Variants in FALEC observed in about 807,000 individuals in gnomAD.
FALEC encodes focally amplified lncRNA on chromosome 1.
chr1:150,520,780 TTTC>T (rs1670630549), downstream of FALEC, among the ~76,000 whole-genome samples: 3 of 141,244 alleles, frequency 2.1e-5, no homozygotes, highest in African/African-American at 8.1e-5. Context: ...TTTCTTTTCT[TTTC>T]TTTTTTTTTT....
intron 1 of FALEC, among the ~76,000 whole-genome samples, chr1:150,517,342 A>C (rs1670581038): frequency 6.8e-6 from 1 of 146,354 alleles, no homozygotes; most frequent in Non-Finnish European, 1.5e-5. Context: ...GAGGGAGGGG[A>C]CTTTTTTTAA....
downstream of FALEC, among the ~76,000 whole-genome samples, chr1:150,519,793 G>T (rs918076781): frequency 6.6e-6 from 1 of 152,080 alleles, no homozygotes; most frequent in Non-Finnish European, 1.5e-5. Flanking sequence ...TTGAACCTGG[G>T]AGGCAGAAGT....
chr1:150,516,897 T>G (rs1670576568), intron 1 of FALEC, among the ~76,000 whole-genome samples: 1 of 152,204 alleles, frequency 6.6e-6, no homozygotes, highest in South Asian at 2.1e-4. Context: ...CTGTGGAGAC[T>G]TGAACATCTA....
the FALEC span, among the ~76,000 whole-genome samples, chr1:150,528,034 T>C: frequency 2.6e-5 from 4 of 152,006 alleles, no homozygotes; most frequent in Non-Finnish European, 5.9e-5. Context: ...GAAATCATGA[T>C]TGGTCTAAGT....
At chr1:150,522,832 ACTCT>A (rs71732573), downstream of FALEC, among the ~76,000 whole-genome samples, 3,642 of 59,472 alleles carry the variant, frequency 0.061, 274 homozygotes, top group African/African-American at 0.12. Flanking sequence ...GGATTAATGA[ACTCT>A]CTCTCTCTCT....
chr1:150,520,783 CTTTTTTT>C (rs71086518), downstream of FALEC, among the ~76,000 whole-genome samples: 78 of 42,822 alleles, frequency 1.8e-3, no homozygotes, highest in South Asian at 6.5e-3. Flanking sequence ...CTTTTCTTTT[CTTTTTTT>C]TTTTTTTTTT....
chr1:150,527,743 G>C, the FALEC span, among the ~76,000 whole-genome samples: 2 of 151,974 alleles, frequency 1.3e-5, no homozygotes, highest in Admixed American at 1.3e-4. Context: ...CCAGCTACTC[G>C]GGAGGCTGAG....
chr1:150,523,767 C>T, the FALEC span, among the ~76,000 whole-genome samples: 1 of 152,048 alleles, frequency 6.6e-6, no homozygotes, highest in Non-Finnish European at 1.5e-5. Context: ...GTCCTACTCC[C>T]TGGAAACCGT....
chr1:150,534,820 A>T, the FALEC span, among the ~76,000 whole-genome samples: 13 of 148,138 alleles, frequency 8.8e-5, no homozygotes, highest in Non-Finnish European at 1.3e-4. Context: ...CCAGCCTGGC[A>T]ACAGAGCAAG....
chr1:150,531,968 G>A, the FALEC span, among the ~76,000 whole-genome samples: 1 of 152,214 alleles, frequency 6.6e-6, no homozygotes, highest in African/African-American at 2.4e-5. Context: ...GCAGTGGCAC[G>A]ATCTTGGCTC....
chr1:150,519,304 A>AATT (rs1226640731), downstream of FALEC, among the ~76,000 whole-genome samples: 2 of 152,120 alleles, frequency 1.3e-5, no homozygotes, highest in African/African-American at 2.4e-5. Context: ...TGAACCCTAA[A>AATT]AGCAGTCATT....
chr1:150,529,600 A>AT, the FALEC span, among the ~76,000 whole-genome samples: 2,858 of 142,464 alleles, frequency 0.02, 60 homozygotes, highest in African/African-American at 0.053. Context: ...GGGATCTGTG[A>AT]TTTTTTTTTT....
the FALEC span, among the ~76,000 whole-genome samples, chr1:150,523,491 C>T: frequency 4.0e-5 from 6 of 150,970 alleles, no homozygotes; most frequent in Non-Finnish European, 7.4e-5. Context: ...CCTGTCTCTA[C>T]TAAAAATACA....
chr1:150,523,796 C>T, the FALEC span, among the ~76,000 whole-genome samples: 1 of 151,984 alleles, frequency 6.6e-6, no homozygotes, highest in Non-Finnish European at 1.5e-5. Context: ...TTTTACAAGG[C>T]AGAAGGAACT....
At chr1:150,516,046 C>G (rs1371106485) in exon 1 of FALEC, 1 of 151,978 alleles carries the variant, frequency 6.6e-6, no homozygotes, top group Non-Finnish European at 1.5e-5. Context: ...GAGTTCAAGA[C>G]CAGCCTGGCC....
intron 1 of FALEC, among the ~76,000 whole-genome samples, chr1:150,517,127 G>A (rs956387019): frequency 6.6e-6 from 1 of 151,992 alleles, no homozygotes; most frequent in Non-Finnish European, 1.5e-5. Context: ...GGTGAAAGCC[G>A]TCCCTACTAA....
At chr1:150,533,919 G>A in the FALEC span, among the ~76,000 whole-genome samples, 1 of 152,216 alleles carries the variant, frequency 6.6e-6, no homozygotes, top group African/African-American at 2.4e-5. Context: ...GAGGGAGGCT[G>A]GAAGAAGGAG....
the FALEC span, among the ~76,000 whole-genome samples, chr1:150,534,014 A>G: frequency 6.6e-6 from 1 of 152,294 alleles, no homozygotes; most frequent in East Asian, 1.9e-4. Flanking sequence ...TGGCGTGGGG[A>G]GAAAGGTGCT....
the FALEC span, among the ~76,000 whole-genome samples, chr1:150,533,668 C>T: frequency 6.6e-6 from 1 of 152,026 alleles, no homozygotes; most frequent in Non-Finnish European, 1.5e-5. Flanking sequence ...AACTCCTGAC[C>T]TCAGGTGATC....
Sources: allele counts gnomAD v4.1 joint callset (sites outside exome capture counted in the v4.1 genomes callset), GRCh38; gene constraint gnomAD v4.1.1; transcripts MANE v1.5; gene names NCBI Gene and HGNC (gene_info 2026-07-23, HGNC 2026-07-21).